Variants in PLEKHO2 observed in about 807,000 individuals in gnomAD.
PLEKHO2 encodes the protein pleckstrin homology domain containing O2.
In PLEKHO2, 20 loss-of-function variants were observed where a neutral mutation model predicts 32.7. The ratio of observed to expected loss-of-function variants is 0.61; its 90% CI spans 0.43 to 0.89. PLEKHO2 has a LOEUF of 0.89. Among genes scored for constraint, PLEKHO2 ranks in the 40% least tolerant of loss-of-function variants. The pLI is 0.00. For synonymous variants in PLEKHO2, 247 were observed against 246.3 expected, an observed-to-expected ratio of 1.00 and a Z score of -0.03; for missense variants, 568 against 621.2, an observed-to-expected ratio of 0.91 and a Z score of 0.91.
chr15:64,842,466 G>A (rs892126854), intron 1 of PLEKHO2, among the ~76,000 whole-genome samples: 4 of 150,752 alleles, frequency 2.7e-5, no homozygotes, highest in Non-Finnish European at 5.9e-5. Context: ...GTGTTGGGGG[G>A]TTCCTGTCTC....
chr15:64,843,329 G>A (rs774156830), intron 1 of PLEKHO2, among the ~76,000 whole-genome samples: 3 of 152,244 alleles, frequency 2.0e-5, no homozygotes, highest in Admixed American at 2.0e-4. Flanking sequence ...GCAAAGTCAG[G>A]CCTCTGTGAT....
intron 1 of PLEKHO2, among the ~76,000 whole-genome samples, chr15:64,847,857 G>A (rs541668859): frequency 6.6e-6 from 1 of 152,148 alleles, no homozygotes; most frequent in Non-Finnish European, 1.5e-5. Flanking sequence ...AGCGGAAGGG[G>A]CTGCAGAGTG....
chr15:64,865,006 G>A lies in PLEKHO2; in HGVS notation c.591G>A (p.Arg197=). 6.2e-7 allele frequency: 1 copy of A among 1,614,052 alleles called. No individual in the cohort carries two copies. The highest frequency in any genetic ancestry group is 8.5e-7 in the Non-Finnish European group (1 of 1,179,992). ...ATCATGTCAGTGAAGCCCAACCTCG[G>A]GAGACACCCCGGCCCCTCATGCCTC... ...PSNHVSEAQP[R]ETPRPLMPPT... is the part of the protein sequence containing the mutation. Residue 197 remains arginine (R), a synonymous_variant, in exon 6 of 6, where the codon CGG becomes CGA. Transcript: ENST00000323544.
rs554653512 is a variant in PLEKHO2 at position 64,863,436 on chromosome 15, G to A, written c.484-1463G>A. ...AGAAAAGGAATGCCTGATGGGGGCC[G>A]GGGACGGATGTAGGGAGGGCCAGCC... On this transcript the variant is annotated intron_variant, in intron 5 of 5. Coordinates refer to ENST00000323544, the MANE Select transcript of PLEKHO2 (RefSeq NM_025201.5). Among the ~76,000 whole-genome samples the A allele has an allele frequency of 2.3e-3, 355 of 152,162 alleles. 1 individual carries two copies. Among genetic ancestry groups the A allele is most frequent in the Non-Finnish European group, 3.4e-3 (231 of 67,998 alleles).
intron 1 of PLEKHO2, among the ~76,000 whole-genome samples, chr15:64,842,496 T>G (rs1451506010): frequency 1.3e-5 from 2 of 151,400 alleles, no homozygotes; most frequent in Non-Finnish European, 3.0e-5. Context: ...ATCCTGACTC[T>G]GTGTGTGTGT....
At chr15:64,859,318 G>T (rs547360902) in intron 3 of PLEKHO2, among the ~76,000 whole-genome samples, 31 of 152,354 alleles carry the variant, frequency 2.0e-4, no homozygotes, top group African/African-American at 7.0e-4. Context: ...TACAGTTGAA[G>T]AAACTGAGGC....
intron 2 of PLEKHO2, 25 bp downstream of exon 2, chr15:64,848,767 T>C (rs374678426): frequency 8.1e-5 from 131 of 1,612,952 alleles, no homozygotes; most frequent in Non-Finnish European, 1.0e-4. Flanking sequence ...GGCCCTGAGA[T>C]TGGGGGTTCT....
intron 1 of PLEKHO2, among the ~76,000 whole-genome samples, chr15:64,842,428 T>G (rs2084492220): frequency 1.4e-5 from 2 of 140,810 alleles, no homozygotes; most frequent in African/African-American, 5.8e-5. Flanking sequence ...GTGTGTCGGA[T>G]CCTGACTGTG....
Position 64,859,957 on chromosome 15 carries a change from A to C in PLEKHO2, c.343A>C (p.Asn115His). The change falls in exon 4 of 6, where the codon AAT (asparagine) becomes CAT (histidine). Residue 115 changes from asparagine to histidine, a missense_variant. Physicochemically the swap from Asn to His is moderately conservative, Grantham distance 68 (BLOSUM62 1). Coordinates refer to ENST00000323544, the MANE Select transcript of PLEKHO2 (RefSeq NM_025201.5). ...EEKESWIKAL[N>H]EGINRGKNKA... ...GAAGGAATCCTGGATCAAAGCCCTCAATGAAGGGATTAACCGAGGCAAAAA... is the reference window on the plus strand; with the variant it reads ...GAAGGAATCCTGGATCAAAGCCCTCCATGAAGGGATTAACCGAGGCAAAAA... 6.2e-7 allele frequency: 1 copy of C among 1,614,220 alleles called. No individual in the cohort carries two copies. Among genetic ancestry groups the C allele is most frequent in the South Asian group, 1.1e-5 (1 of 91,086 alleles).
chr15:64,867,179 C>T lies in PLEKHO2; in HGVS notation c.*1291C>T, dbSNP rs1220891551. On this transcript the variant is annotated 3_prime_UTR_variant, in exon 6 of 6. Transcript: ENST00000323544. ...TGAGAGCAGCTTCCGATAGGACCTGCCCAGATTTCTGCATGTGCACTTTTG... is the reference window on the plus strand; with the variant it reads ...TGAGAGCAGCTTCCGATAGGACCTGTCCAGATTTCTGCATGTGCACTTTTG... The T allele has an allele frequency of 6.6e-6, 1 of 152,610 alleles. No individual in the cohort carries two copies. Among genetic ancestry groups the T allele is most frequent in the African/African-American group, 2.4e-5 (1 of 41,408 alleles). The allele number at this position is 152,610 out of a possible 1,614,324, so 9.5% of individuals were successfully genotyped here.
rs573707353 is a variant in PLEKHO2, at chr15:64,859,369, G to A, written c.280-525G>A. 1.6e-3 allele frequency among the ~76,000 whole-genome samples: 245 copies of A among 152,364 alleles called. 1 individual carries two copies. Among genetic ancestry groups the A allele is most frequent in the African/African-American group, 5.2e-3 (217 of 41,590 alleles). ...TGTAAGTGGTGGACTGTCCTGCTCA[G>A]AGGCCCTACTGCCTTGTCCACTGCG... On this transcript the variant is annotated intron_variant, in intron 3 of 5. Coordinates refer to ENST00000323544, the MANE Select transcript of PLEKHO2 (RefSeq NM_025201.5).
intron 1 of PLEKHO2, 139 bp downstream of exon 1, chr15:64,842,167 C>A: frequency 1.2e-6 from 1 of 805,142 alleles, no homozygotes; most frequent in Non-Finnish European, 1.7e-6. Context: ...GCAAATGGGG[C>A]AGGGGCGAGG....
At chr15:64,856,849 C>A (rs1045433085) in intron 3 of PLEKHO2, among the ~76,000 whole-genome samples, 1 of 152,248 alleles carries the variant, frequency 6.6e-6, no homozygotes, top group Non-Finnish European at 1.5e-5. Context: ...CTCTCACCCT[C>A]CTTTCTCAGC....
chr15:64,845,214 CT>C (rs771584682), intron 1 of PLEKHO2, among the ~76,000 whole-genome samples: 1,834 of 121,250 alleles, frequency 0.015, 41 homozygotes, highest in African/African-American at 0.052. Context: ...GACCTGGCTT[CT>C]TTTTTTTTTT....
In PLEKHO2 at chr15:64,842,390, C is replaced by CTGTG. The variant is rs1184410989; in HGVS notation, c.12+392_12+395dup. 2.2e-3 allele frequency among the ~76,000 whole-genome samples: 320 copies of CTGTG among 145,282 alleles called. 4 individuals are homozygous for CTGTG. Among genetic ancestry groups the CTGTG allele is most frequent in the African/African-American group, 7.2e-3 (279 of 38,588 alleles). On this transcript the variant is annotated intron_variant, in intron 1 of 5. Transcript: ENST00000323544. ...TCGGATCCTGACTCTCTCTCTCTCT[C>CTGTG]TGTGTGTGTGTGTGTGTGTGTGTGT... is the stretch of plus-strand genomic sequence containing the variant.
At chr15:64,843,048 T>C (rs1171204513) in intron 1 of PLEKHO2, among the ~76,000 whole-genome samples, 2 of 152,176 alleles carry the variant, frequency 1.3e-5, no homozygotes, top group Non-Finnish European at 2.9e-5. Context: ...GTTCTCTGCC[T>C]TGGGGGAACC....
intron 4 of PLEKHO2, among the ~76,000 whole-genome samples, chr15:64,860,992 C>A (rs1370302740): frequency 3.3e-5 from 5 of 152,256 alleles, no homozygotes. Context: ...CCAATCCTGA[C>A]CCCTTCTGTT....
At position 64,865,605 on chromosome 15, in the gene PLEKHO2, A is replaced by C; in HGVS notation, c.1190A>C (p.Glu397Ala). The C allele has an allele frequency of 1.2e-6, 2 of 1,614,208 alleles. No homozygotes were observed. The highest frequency in any genetic ancestry group is 1.7e-6 in the Non-Finnish European group (2 of 1,180,020). Residue 397 changes from glutamate to alanine, a missense_variant, in exon 6 of 6, where the codon GAA becomes GCA. By Grantham distance (107) the Glu-to-Ala change is moderately radical (BLOSUM62 -1). Transcript: ENST00000323544. ...RCSSLGDLLG[E>A]GPRHPLQPRE... Reference sequence around the variant, plus strand: ...TCCTCCCTTGGGGACTTGCTTGGGGAAGGCCCGCGGCATCCCTTGCAGCCC... The same window carrying C: ...TCCTCCCTTGGGGACTTGCTTGGGGCAGGCCCGCGGCATCCCTTGCAGCCC...
chr15:64,848,516 C>G (rs35048171), intron 1 of PLEKHO2, 77 bp from the exon 2 acceptor site: 664,704 of 1,558,066 alleles, frequency 0.43, 146,276 homozygotes, highest in South Asian at 0.47. Flanking sequence ...GGACACATCC[C>G]TTGTGTGACC....
Sources: allele counts gnomAD v4.1 joint callset (sites outside exome capture counted in the v4.1 genomes callset), GRCh38; gene constraint gnomAD v4.1.1; transcripts MANE v1.5; gene names NCBI Gene and HGNC (gene_info 2026-07-23, HGNC 2026-07-21).